Variants in CAMTA1 observed in about 807,000 individuals in gnomAD.
CAMTA1 encodes calmodulin binding transcription activator 1.
In CAMTA1, 27 loss-of-function variants were observed where a neutral mutation model predicts 170.9. The ratio of observed to expected loss-of-function variants is 0.16; its 90% CI spans 0.12 to 0.22. CAMTA1 has a LOEUF of 0.22. Ranked by LOEUF, CAMTA1 falls within the 10% of genes least tolerant of loss-of-function variation. CAMTA1 has a pLI of 1.00. For missense variants in CAMTA1, 1,619 were observed against 2,217.2 expected (o/e 0.73, Z 5.42); for synonymous variants, 833 against 891.5 (o/e 0.93, Z 1.17).
chr1:7,401,826 CCT>C (rs1402853971), intron 5 of CAMTA1, among the ~76,000 whole-genome samples: 1 of 152,052 alleles, frequency 6.6e-6, no homozygotes, highest in African/African-American at 2.4e-5. Context: ...TGTATATTGA[CCT>C]GAGCTTAGGT....
intron 5 of CAMTA1, among the ~76,000 whole-genome samples, chr1:7,439,612 A>G (rs2092458906): frequency 6.6e-6 from 1 of 152,150 alleles, no homozygotes; most frequent in Admixed American, 6.5e-5. Context: ...TGGTACGGCC[A>G]CCGTCCTACA....
chr1:7,229,392 G>A (rs1267592034), intron 4 of CAMTA1, among the ~76,000 whole-genome samples: 3 of 143,530 alleles, frequency 2.1e-5, no homozygotes, highest in Non-Finnish European at 4.6e-5. Context: ...CAGGGTTGCA[G>A]GGCCAAGTGC....
At chr1:6,997,602 C>A (rs1238147711) in intron 3 of CAMTA1, among the ~76,000 whole-genome samples, 1 of 151,498 alleles carries the variant, frequency 6.6e-6, no homozygotes, top group African/African-American at 2.4e-5. Flanking sequence ...CCTGGGTCTC[C>A]TGTGACATGG....
chr1:7,302,275 C>T (rs1356093033), intron 5 of CAMTA1, among the ~76,000 whole-genome samples: 1 of 152,068 alleles, frequency 6.6e-6, no homozygotes, highest in East Asian at 1.9e-4. Context: ...TCCTCAATCC[C>T]CTCCCGCACC....
At position 7,513,715 on chromosome 1, in the gene CAMTA1, G is replaced by C. The variant is rs149129496; in HGVS notation, c.510+45814G>C. 2.2e-3 allele frequency among the ~76,000 whole-genome samples: 328 copies of C among 152,252 alleles called. 1 individual carries two copies. Among genetic ancestry groups the C allele is most frequent in the African/African-American group, 7.6e-3 (315 of 41,542 alleles). On this transcript the variant is annotated intron_variant, in intron 6 of 22. Transcript: ENST00000303635. ...AGATGGGAGTATCACCTGAGGTCGGGATATTGAGACCAGCCTGACCAACAT... is the reference window on the plus strand; with the variant it reads ...AGATGGGAGTATCACCTGAGGTCGGCATATTGAGACCAGCCTGACCAACAT...
At chr1:7,544,616 T>G (rs2150128950) in intron 6 of CAMTA1, among the ~76,000 whole-genome samples, 2 of 152,300 alleles carry the variant, frequency 1.3e-5, no homozygotes, top group Middle Eastern at 6.8e-3. Flanking sequence ...CTTCAAACAC[T>G]GAGTCCATTT....
chr1:7,084,252 C>G (rs1640424746), intron 3 of CAMTA1, among the ~76,000 whole-genome samples: 1 of 152,036 alleles, frequency 6.6e-6, no homozygotes, highest in African/African-American at 2.4e-5. Context: ...GACCTTTCTC[C>G]CTCCCTGACA....
chr1:7,199,061 C>A (rs548372470), intron 4 of CAMTA1, among the ~76,000 whole-genome samples: 13 of 152,334 alleles, frequency 8.5e-5, no homozygotes, highest in Non-Finnish European at 1.3e-4. Flanking sequence ...TTTTCCCCCC[C>A]ACTTCTCTCC....
intron 16 of CAMTA1, among the ~76,000 whole-genome samples, chr1:7,741,911 A>G (rs2096820650): frequency 1.3e-5 from 2 of 149,036 alleles, no homozygotes; most frequent in South Asian, 4.2e-4. Flanking sequence ...TGCTGGGATT[A>G]CAGGTGTGAG....
chr1:7,499,866 AGAG>A lies in CAMTA1; in HGVS notation c.510+31968_510+31970del, dbSNP rs561584858. ...TGCATGTGTGTACATGAGTGTATAT[AGAG>A]GATTGTGTGAGCCTGGTGTGCATGC... On this transcript the variant is annotated intron_variant, in intron 6 of 22. Coordinates refer to ENST00000303635, the MANE Select transcript of CAMTA1 (RefSeq NM_015215.4). Among the ~76,000 whole-genome samples the A allele has an allele frequency of 5.0e-5, 7 of 139,014 alleles. No individual in the cohort carries two copies. The South Asian group carries it at 1.5e-3, about 30-fold the overall frequency. 91.2% of individuals were successfully genotyped at this position (139,014 alleles called of 152,430 possible).
chr1:7,410,114 A>AGCAGTAAGGATTTGTT (rs1271404409), intron 5 of CAMTA1, among the ~76,000 whole-genome samples: 11 of 152,246 alleles, frequency 7.2e-5, no homozygotes, highest in Non-Finnish European at 1.5e-4. Context: ...CTTGAAGGAA[A>AGCAGTAAGGATTTGTT]GCAGTAAGGA....
rs1204166131 is a variant in CAMTA1, at chr1:7,673,238, TGGAGTCAGCCACACTCG to T, written c.2779+2204_2779+2220del. Among the ~76,000 whole-genome samples the T allele has an allele frequency of 3.9e-5, 6 of 152,216 alleles. No individual in the cohort carries two copies. The highest frequency in any genetic ancestry group is 7.3e-5 in the Non-Finnish European group (5 of 68,032). ...GCTGGGCTTTGTGTGGCCCCGGGGC[TGGAGTCAGCCACACTCG>T]GGTCCATCCCAGATCAGCCAGAAAC... On this transcript the variant is annotated intron_variant, in intron 10 of 22. Transcript: ENST00000303635. The surrounding 1 kb of genome is among the most constrained non-coding windows in gnomAD (Gnocchi z 4.6).
At chr1:7,530,338 C>T (rs36099749) in intron 6 of CAMTA1, among the ~76,000 whole-genome samples, 22,767 of 152,246 alleles carry the variant, frequency 0.15, 1,838 homozygotes, top group Non-Finnish European at 0.17. Flanking sequence ...CACTGATGCA[C>T]TGAGCTGACC....
intron 6 of CAMTA1, among the ~76,000 whole-genome samples, chr1:7,483,021 T>C (rs2093562311): frequency 6.6e-6 from 1 of 152,186 alleles, no homozygotes; most frequent in South Asian, 2.1e-4. Flanking sequence ...CTGAGAGGGC[T>C]GCAGAACTCC....
intron 4 of CAMTA1, among the ~76,000 whole-genome samples, chr1:7,235,174 C>T (rs149253688): frequency 1.0e-3 from 156 of 152,242 alleles, no homozygotes; most frequent in South Asian, 4.8e-3. Flanking sequence ...GACATTGTGG[C>T]CCTTAGAGAT....
intron 5 of CAMTA1, among the ~76,000 whole-genome samples, chr1:7,304,145 C>T (rs1431329270): frequency 1.3e-5 from 2 of 152,074 alleles, no homozygotes; most frequent in East Asian, 1.9e-4. Context: ...AGGAGAGTGG[C>T]AATGATTGCA....
At chr1:6,886,085 T>A (rs1473689532) in intron 3 of CAMTA1, among the ~76,000 whole-genome samples, 2 of 152,198 alleles carry the variant, frequency 1.3e-5, no homozygotes, top group Non-Finnish European at 2.9e-5. Flanking sequence ...TGGTCCTCCC[T>A]TATTTTTGTT....
At chr1:7,213,486 C>T (rs1297245478) in intron 4 of CAMTA1, among the ~76,000 whole-genome samples, 1 of 151,858 alleles carries the variant, frequency 6.6e-6, no homozygotes, top group African/African-American at 2.4e-5. Flanking sequence ...TTTGGGGGTT[C>T]TTTATATATC....
intron 7 of CAMTA1, among the ~76,000 whole-genome samples, chr1:7,651,959 C>G (rs574307530): frequency 9.8e-5 from 15 of 152,338 alleles, no homozygotes; most frequent in African/African-American, 3.1e-4. Context: ...GAAAGCCCCA[C>G]CACTGCATGG....
Sources: allele counts gnomAD v4.1 joint callset (sites outside exome capture counted in the v4.1 genomes callset), GRCh38; gene constraint gnomAD v4.1.1; non-coding constraint Gnocchi (gnomAD v3.1); transcripts MANE v1.5; gene names NCBI Gene and HGNC (gene_info 2026-07-23, HGNC 2026-07-21).